AARS1: variants seen among roughly 807,000 people sequenced by gnomAD.
AARS1 encodes alanine--tRNA ligase, cytoplasmic.
AARS1 carries 72 observed loss-of-function variants against 108.9 expected under a neutral mutation model. That is an observed-to-expected ratio of 0.66 (90% CI 0.55 to 0.80). The LOEUF is 0.80. AARS1 is among the 30% of genes least tolerant of loss of function. AARS1 has a pLI of 0.00. For missense variants in AARS1, 1,193 were observed against 1,233.2 expected, an observed-to-expected ratio of 0.97 and a Z score of 0.49; for synonymous variants, 489 against 465.7, an observed-to-expected ratio of 1.05 and a Z score of -0.64.
intron 16 of AARS1, among the ~76,000 whole-genome samples, chr16:70,255,006 C>T (rs1282322887): frequency 6.6e-6 from 1 of 152,034 alleles, no homozygotes; most frequent in Non-Finnish European, 1.5e-5. Flanking sequence ...AGTGGCCACC[C>T]CTGGGGCTTT....
At chr16:70,254,366 A>G in intron 17 of AARS1, 1 of 581,768 alleles carries the variant, frequency 1.7e-6, no homozygotes, top group Non-Finnish European at 3.1e-6. Context: ...CCATTCCCCA[A>G]ATCCCTCCAC....
At chr16:70,253,142 G>A in intron 20 of AARS1, 126 bp downstream of exon 20, 2 of 906,228 alleles carry the variant, frequency 2.2e-6, no homozygotes, top group Admixed American at 4.0e-5. Context: ...GCCTGGGTAA[G>A]GGGTACTGGC....
At chr16:70,272,716 G>A (rs1202598844) in intron 4 of AARS1, among the ~76,000 whole-genome samples, 3 of 150,790 alleles carry the variant, frequency 2.0e-5, no homozygotes, top group South Asian at 2.1e-4. Flanking sequence ...TCAGGAGTTC[G>A]AGACCAGCCT....
chr16:70,270,564 C>T (rs545221307), intron 5 of AARS1, among the ~76,000 whole-genome samples: 15 of 152,084 alleles, frequency 9.9e-5, no homozygotes, highest in African/African-American at 3.4e-4. Context: ...AAAGGCCAGG[C>T]GCAGTGGCTC....
chr16:70,284,597 CAACA>C (rs778890799), intron 1 of AARS1, among the ~76,000 whole-genome samples: 1 of 151,898 alleles, frequency 6.6e-6, no homozygotes, highest in African/African-American at 2.4e-5. Context: ...GACCTTGTGT[CAACA>C]AACAAACAAA....
In AARS1 at chr16:70,289,476, G is replaced by A. The variant is rs914964415; in HGVS notation, c.-77C>T. 3 of 434,880 alleles carry A rather than the reference G, an allele frequency of 6.9e-6. No homozygotes were observed. Among genetic ancestry groups the A allele is most frequent in the South Asian group, 4.9e-5 (3 of 61,332 alleles). 26.9% of individuals were successfully genotyped at this position (434,880 alleles called of 1,614,324 possible). ...CCTCAGAGTCCCCCGCCAAGGGCCC[G>A]CTGCACCTATTCCCGCAGACGCGCA... On this transcript the variant is annotated 5_prime_UTR_variant, in exon 1 of 21. Coordinates refer to ENST00000261772, the MANE Select transcript of AARS1 (RefSeq NM_001605.3).
intron 1 of AARS1, among the ~76,000 whole-genome samples, chr16:70,284,635 T>TA (rs939432959): frequency 6.6e-6 from 1 of 152,094 alleles, no homozygotes; most frequent in African/African-American, 2.4e-5. Flanking sequence ...CTTTCACAGA[T>TA]ATTACGATTT....
At position 70,288,098 on chromosome 16, in the gene AARS1, C is replaced by CTTT. The variant is rs34369477; in HGVS notation, c.-22+1320_-22+1322dup. 6.9e-3 allele frequency among the ~76,000 whole-genome samples: 577 copies of CTTT among 83,880 alleles called. 8 individuals carry two copies. The highest frequency in any genetic ancestry group is 9.4e-3 in the East Asian group (25 of 2,654). The allele number at this position is 83,880 out of a possible 152,430, so 55.0% of individuals were successfully genotyped here. A position where few individuals can be genotyped will look rare whatever the true frequency, so the allele number is the denominator to read the frequency against. Reference sequence around the variant, plus strand: ...TATTTAAGACAGCCTTCCCCTTCTTCTTTTTTTTTTTTTTTTTTTTTTGAG... The same window carrying CTTT: ...TATTTAAGACAGCCTTCCCCTTCTTCTTTTTTTTTTTTTTTTTTTTTTTTTGAG... On this transcript the variant is annotated intron_variant, in intron 1 of 20. Transcript: ENST00000261772.
At chr16:70,273,609 T>A (rs747719388) in intron 4 of AARS1, among the ~76,000 whole-genome samples, 68 of 152,012 alleles carry the variant, frequency 4.5e-4, no homozygotes, top group Non-Finnish European at 9.4e-4. Flanking sequence ...ACGCCTGTAA[T>A]CCCAGCACTT....
At chr16:70,258,634 C>T (rs543150649) in intron 14 of AARS1, among the ~76,000 whole-genome samples, 18 of 152,170 alleles carry the variant, frequency 1.2e-4, no homozygotes, top group South Asian at 8.3e-4. Context: ...GGCGCAATCT[C>T]GGCTCACTGC....
intron 7 of AARS1, among the ~76,000 whole-genome samples, chr16:70,269,082 G>T (rs1427351314): frequency 6.6e-6 from 1 of 152,074 alleles, no homozygotes; most frequent in African/African-American, 2.4e-5. Flanking sequence ...CCAGCACTGT[G>T]GGAGGCCGAG....
chr16:70,255,240 C>T (rs1363512430), intron 16 of AARS1, among the ~76,000 whole-genome samples: 1 of 145,808 alleles, frequency 6.9e-6, no homozygotes, highest in African/African-American at 2.5e-5. Flanking sequence ...CGCCCCGTCA[C>T]CCAAGCTGGA....
At chr16:70,279,919 C>A (rs1056437705) in intron 2 of AARS1, among the ~76,000 whole-genome samples, 1 of 152,042 alleles carries the variant, frequency 6.6e-6, no homozygotes, top group African/African-American at 2.4e-5. Flanking sequence ...GAGACAGGGT[C>A]TTGCTCTGTC....
Position 70,262,468 on chromosome 16 carries a change from C to T in AARS1, c.1549G>A (p.Glu517Lys). ...MALRREKMFV[E>K]EVSTGQECGV... Reference sequence around the variant, plus strand: ...CACTCCTGGCCTGTGGACACCTCTTCCACGAACATCTTCTCCCTGCGCAGA... The same window carrying T: ...CACTCCTGGCCTGTGGACACCTCTTTCACGAACATCTTCTCCCTGCGCAGA... Residue 517 changes from glutamate (E) to lysine (K), a missense_variant, in exon 12 of 21, where the codon GAA becomes AAA. Glu to Lys is a moderately conservative substitution (Grantham distance 56). Transcript: ENST00000261772. 1 of 1,614,210 alleles carries T rather than the reference C, an allele frequency of 6.2e-7. No individual in the cohort carries two copies. The highest frequency in any genetic ancestry group is 8.5e-7 in the Non-Finnish European group (1 of 1,180,046).
chr16:70,259,934 G>A (rs991520067), intron 13 of AARS1, among the ~76,000 whole-genome samples: 3 of 151,896 alleles, frequency 2.0e-5, no homozygotes, highest in Non-Finnish European at 4.4e-5. Flanking sequence ...CACCACACCC[G>A]GCTAATTTTG....
intron 1 of AARS1, among the ~76,000 whole-genome samples, chr16:70,288,281 T>C (rs1006308702): frequency 7.3e-5 from 11 of 150,964 alleles, no homozygotes; most frequent in South Asian, 2.1e-4. Flanking sequence ...CCGGCTATTT[T>C]TGTATATTTG....
chr16:70,265,198 C>T, intron 10 of AARS1, 96 bp from the exon 11 acceptor site: 1 of 1,479,866 alleles, frequency 6.8e-7, no homozygotes, highest in Non-Finnish European at 9.4e-7. Flanking sequence ...GCATAAACTG[C>T]CAGAACAGGG....
At chr16:70,255,644 A>T in intron 16 of AARS1, 84 bp downstream of exon 16, 1 of 1,220,978 alleles carries the variant, frequency 8.2e-7, no homozygotes, top group Non-Finnish European at 1.2e-6. Context: ...GCAGCCACGC[A>T]GAGCAGTGTT....
chr16:70,269,086 G>A (rs1412165078), intron 7 of AARS1, among the ~76,000 whole-genome samples: 1 of 152,104 alleles, frequency 6.6e-6, no homozygotes, highest in Non-Finnish European at 1.5e-5. Flanking sequence ...CACTGTGGGA[G>A]GCCGAGGCGG....
Sources: gnomAD v4.1 joint callset for allele counts (sites outside exome capture counted in the v4.1 genomes callset) on GRCh38, gnomAD v4.1.1 for gene constraint, MANE v1.5 for transcripts, NCBI Gene and HGNC (gene_info 2026-07-23, HGNC 2026-07-21) for gene names.